Variants in CENPP observed in about 807,000 individuals in gnomAD.
The protein encoded by CENPP is centromere protein P.
A neutral mutation model predicts 35.6 loss-of-function variants in CENPP; 24 were observed. That is an observed-to-expected ratio of 0.67 (90% CI 0.49 to 0.95). The LOEUF (loss-of-function observed/expected upper bound fraction) is 0.95. Ranked by LOEUF, CENPP falls within the 40% of genes least tolerant of loss-of-function variation. The pLI is 0.00. For synonymous variants in CENPP, 120 were observed against 125.5 expected, an observed-to-expected ratio of 0.96 and a Z score of 0.29; for missense variants, 332 against 345.3, an observed-to-expected ratio of 0.96 and a Z score of 0.31.
At chr9:92,554,789 C>T (rs1849685973) in intron 5 of CENPP, among the ~76,000 whole-genome samples, 1 of 152,108 alleles carries the variant, frequency 6.6e-6, no homozygotes, top group Non-Finnish European at 1.5e-5. Context: ...AGGCGCCTGC[C>T]ACTGCGCCCG....
At chr9:92,591,312 G>A (rs1479364359) in intron 5 of CENPP, among the ~76,000 whole-genome samples, 1 of 152,028 alleles carries the variant, frequency 6.6e-6, no homozygotes, top group Non-Finnish European at 1.5e-5. Context: ...CCAGCTACTC[G>A]GGAGGCTGAG....
intron 4 of CENPP, among the ~76,000 whole-genome samples, chr9:92,365,907 A>G (rs977232872): frequency 6.0e-5 from 9 of 150,990 alleles, no homozygotes; most frequent in African/African-American, 2.2e-4. Context: ...TTCGCTGGGC[A>G]TGGTGGCTCA....
chr9:92,349,168 T>C (rs571105107), intron 4 of CENPP, among the ~76,000 whole-genome samples: 5 of 152,334 alleles, frequency 3.3e-5, no homozygotes, highest in African/African-American at 9.6e-5. Flanking sequence ...GTGTTTCAGT[T>C]TGGATAATTT....
chr9:92,397,808 C>T (rs72752451), intron 5 of CENPP, among the ~76,000 whole-genome samples: 1,714 of 152,184 alleles, frequency 0.011, 21 homozygotes, highest in South Asian at 0.019. Flanking sequence ...GCAACATATA[C>T]GGATATAAAC....
At chr9:92,425,203 C>G (rs1470201051) in intron 5 of CENPP, among the ~76,000 whole-genome samples, 2 of 152,128 alleles carry the variant, frequency 1.3e-5, no homozygotes, top group Non-Finnish European at 2.9e-5. Flanking sequence ...CTCATTTCTC[C>G]TCTTTTTGGC....
chr9:92,417,484 A>G (rs1206869275), intron 5 of CENPP: 3 of 1,613,806 alleles, frequency 1.9e-6, no homozygotes, highest in African/African-American at 2.7e-5. Context: ...CATCCCACTG[A>G]TAAGTTTCAT....
intron 5 of CENPP, among the ~76,000 whole-genome samples, chr9:92,609,175 C>T (rs986601492): frequency 2.5e-4 from 38 of 152,282 alleles, no homozygotes; most frequent in African/African-American, 8.7e-4. Flanking sequence ...TAATTGTAAG[C>T]TTCCGCCAGG....
intron 5 of CENPP, among the ~76,000 whole-genome samples, chr9:92,453,490 T>C (rs1044860499): frequency 6.6e-6 from 1 of 152,220 alleles, no homozygotes; most frequent in African/African-American, 2.4e-5. Context: ...TCTGTTCTTT[T>C]ACATTTGCTG....
At chr9:92,566,780 C>T (rs975790377) in intron 5 of CENPP, among the ~76,000 whole-genome samples, 11 of 152,042 alleles carry the variant, frequency 7.2e-5, no homozygotes, top group South Asian at 4.2e-4. Context: ...CAGAAGAAGA[C>T]GAGAAAGAAA....
At chr9:92,351,157 C>A (rs957302079) in intron 4 of CENPP, among the ~76,000 whole-genome samples, 2 of 152,128 alleles carry the variant, frequency 1.3e-5, no homozygotes, top group African/African-American at 2.4e-5. Context: ...GTTGTACAAC[C>A]ATCACCACTA....
chr9:92,600,536 C>T (rs1488779956), intron 5 of CENPP: 1 of 1,612,684 alleles, frequency 6.2e-7, no homozygotes, highest in Non-Finnish European at 8.5e-7. Context: ...GGCCACCCCA[C>T]TGGGGCTGGG....
chr9:92,366,177 C>CAAAAAA (rs79052877), intron 4 of CENPP, among the ~76,000 whole-genome samples: 3 of 52,072 alleles, frequency 5.8e-5, no homozygotes, highest in East Asian at 5.6e-4. Context: ...GACTCCGTCT[C>CAAAAAA]AAAAAAAAAA....
At chr9:92,331,380 C>G (rs567481631) in intron 1 of CENPP, among the ~76,000 whole-genome samples, 1 of 151,986 alleles carries the variant, frequency 6.6e-6, no homozygotes, top group South Asian at 2.1e-4. Flanking sequence ...TGGGGTTTCA[C>G]TGTGTTAGCC....
intron 5 of CENPP, among the ~76,000 whole-genome samples, chr9:92,516,209 ACCC>A (rs1260361026): frequency 6.6e-6 from 1 of 151,524 alleles, no homozygotes; most frequent in Non-Finnish European, 1.5e-5. Flanking sequence ...GATTACAGGC[ACCC>A]CACCACCATG....
chr9:92,602,391 A>G (rs1015265314), intron 5 of CENPP, among the ~76,000 whole-genome samples: 1 of 152,198 alleles, frequency 6.6e-6, no homozygotes, highest in Non-Finnish European at 1.5e-5. Context: ...AGGAGTGGAC[A>G]GTGGTCTCAG....
In CENPP at chr9:92,613,320, C is replaced by A; in HGVS notation, c.*171C>A. On this transcript the variant is annotated 3_prime_UTR_variant, in exon 8 of 8. Coordinates refer to ENST00000375587, the MANE Select transcript of CENPP (RefSeq NM_001012267.3). ...CTCATGACATGAAAAATAAATACAA[C>A]TAGTTAAGTATAAAATGCCAAATAA... 1 of 675,626 alleles carries A rather than the reference C, an allele frequency of 1.5e-6. No individual in the cohort carries two copies. Among genetic ancestry groups the A allele is most frequent in the Non-Finnish European group, 2.5e-6 (1 of 407,770 alleles). 41.9% of individuals were successfully genotyped at this position (675,626 alleles called of 1,614,324 possible). A position where few individuals can be genotyped will look rare whatever the true frequency, so the allele number is the denominator to read the frequency against.
intron 4 of CENPP, among the ~76,000 whole-genome samples, chr9:92,371,957 C>G (rs894563997): frequency 6.8e-6 from 1 of 146,118 alleles, no homozygotes; most frequent in African/African-American, 2.5e-5. Flanking sequence ...GCTTCACCTC[C>G]CGGGGTCAAG....
At chr9:92,545,979 C>T (rs1849434211) in intron 5 of CENPP, among the ~76,000 whole-genome samples, 2 of 151,922 alleles carry the variant, frequency 1.3e-5, no homozygotes, top group African/African-American at 2.4e-5. Context: ...TGTAAATGCA[C>T]CAGTCAGCAC....
At chr9:92,574,411 A>T (rs76002361) in intron 5 of CENPP, among the ~76,000 whole-genome samples, 1,723 of 152,326 alleles carry the variant, frequency 0.011, 26 homozygotes, top group African/African-American at 0.038. Flanking sequence ...AATAACAAAA[A>T]TGGGTTGGAT....
Sources: allele counts gnomAD v4.1 joint callset (sites outside exome capture counted in the v4.1 genomes callset), GRCh38; gene constraint gnomAD v4.1.1; transcripts MANE v1.5; gene names NCBI Gene and HGNC (gene_info 2026-07-23, HGNC 2026-07-21).